The following GMDS variants were observed in gnomAD, a reference collection of about 807,000 sequenced individuals.
The protein encoded by GMDS is GDP-mannose 4,6-dehydratase.
GMDS carries 20 observed loss-of-function variants against 49.9 expected under a neutral mutation model. The ratio of observed to expected loss-of-function variants is 0.40; its 90% CI spans 0.28 to 0.58. The LOEUF is 0.58. GMDS is among the 20% of genes least tolerant of loss of function. The pLI is 0.42. For synonymous variants in GMDS, 177 were observed against 178.6 expected (o/e 0.99, Z 0.07); for missense variants, 362 against 481.4 (o/e 0.75, Z 2.32).
chr6:2,084,653 C>T (rs1156334651), intron 4 of GMDS, among the ~76,000 whole-genome samples: 1 of 152,044 alleles, frequency 6.6e-6, no homozygotes, highest in Non-Finnish European at 1.5e-5. Context: ...ACTACAGGCG[C>T]CCGCCACCAC....
intron 9 of GMDS, among the ~76,000 whole-genome samples, chr6:1,672,319 T>C (rs9501754): frequency 0.33 from 50,848 of 151,972 alleles, 8,887 homozygotes; most frequent in Middle Eastern, 0.47. Context: ...GGGAAGGTCA[T>C]AGAGAAAAGT....
chr6:2,223,890 G>C (rs1780705687), intron 1 of GMDS, among the ~76,000 whole-genome samples: 1 of 152,198 alleles, frequency 6.6e-6, no homozygotes, highest in Non-Finnish European at 1.5e-5. Context: ...GACTGCAGTT[G>C]TAGACATAGA....
At chr6:1,930,014 C>G in intron 7 of GMDS, 89 bp downstream of exon 7, 1 of 1,210,962 alleles carries the variant, frequency 8.3e-7, no homozygotes, top group Non-Finnish European at 1.2e-6. Context: ...ATGCCCCCAC[C>G]TCTAGGTCAC....
chr6:2,171,807 A>G (rs1450674892), intron 1 of GMDS, among the ~76,000 whole-genome samples: 5 of 150,584 alleles, frequency 3.3e-5, no homozygotes, highest in Admixed American at 1.3e-4. Flanking sequence ...AAGAGCCACA[A>G]TGAAAGAAAG....
intron 4 of GMDS, among the ~76,000 whole-genome samples, chr6:1,999,959 T>TTATATATATTATATATATATA (rs1766591126): frequency 8.0e-5 from 1 of 12,530 alleles, no homozygotes; most frequent in South Asian, 2.5e-3. Context: ...AATATGTATA[T>TTATATATATTATATATATATA]TATATATATA....
chr6:1,720,229 G>GT (rs67079006), intron 9 of GMDS, among the ~76,000 whole-genome samples: 91 of 136,698 alleles, frequency 6.7e-4, no homozygotes, highest in Admixed American at 5.0e-3. Context: ...ATGCTCTTGA[G>GT]GGGGGAGAGC....
chr6:1,751,930 A>G (rs1767749740), intron 7 of GMDS, among the ~76,000 whole-genome samples: 1 of 152,210 alleles, frequency 6.6e-6, no homozygotes, highest in Admixed American at 6.5e-5. Context: ...ATGAGGAAAA[A>G]CTAGTGCAAA....
intron 8 of GMDS, among the ~76,000 whole-genome samples, chr6:1,733,512 G>T (rs6906968): frequency 0.43 from 64,728 of 152,070 alleles, 14,478 homozygotes; most frequent in East Asian, 0.56. Flanking sequence ...AAAGACGAGA[G>T]GGAGCCTCAA....
At chr6:1,765,105 A>G (rs1369098459) in intron 7 of GMDS, among the ~76,000 whole-genome samples, 1 of 152,190 alleles carries the variant, frequency 6.6e-6, no homozygotes, top group East Asian at 1.9e-4. Flanking sequence ...GAAGATTTAA[A>G]CAATTTAAAT....
intron 7 of GMDS, among the ~76,000 whole-genome samples, chr6:1,921,470 C>A (rs527342543): frequency 6.6e-6 from 1 of 152,108 alleles, no homozygotes; most frequent in Non-Finnish European, 1.5e-5. Flanking sequence ...ATAAAACAGG[C>A]AATTGATTTT....
chr6:2,074,661 T>TA (rs1172744741), intron 4 of GMDS, among the ~76,000 whole-genome samples: 1 of 152,168 alleles, frequency 6.6e-6, no homozygotes, highest in East Asian at 1.9e-4. Context: ...TTAAGTCTTT[T>TA]AAAAAATTAA....
At chr6:2,205,132 A>C (rs368405681) in intron 1 of GMDS, among the ~76,000 whole-genome samples, 1 of 152,216 alleles carries the variant, frequency 6.6e-6, no homozygotes, top group Non-Finnish European at 1.5e-5. Flanking sequence ...CAGCAATCCC[A>C]AAGGTGGATG....
chr6:1,821,611 G>GTTTGTTTTTTTTT (rs1770899536), intron 7 of GMDS, among the ~76,000 whole-genome samples: 1 of 109,854 alleles, frequency 9.1e-6, no homozygotes, highest in African/African-American at 3.4e-5. Flanking sequence ...CAATTTATTT[G>GTTTGTTTTTTTTT]TTTTTTTTTT....
intron 1 of GMDS, among the ~76,000 whole-genome samples, chr6:2,159,156 T>C (rs1403823664): frequency 6.6e-6 from 1 of 152,196 alleles, no homozygotes; most frequent in Non-Finnish European, 1.5e-5. Context: ...ATATTAAATT[T>C]AGGCCAAAAA....
At chr6:1,651,221 C>G (rs894790289) in intron 9 of GMDS, among the ~76,000 whole-genome samples, 2 of 152,208 alleles carry the variant, frequency 1.3e-5, no homozygotes, top group Non-Finnish European at 2.9e-5. Context: ...GCATGCACCC[C>G]TTCTCACTGG....
chr6:2,070,946 T>C (rs139507230), intron 4 of GMDS, among the ~76,000 whole-genome samples: 1 of 152,314 alleles, frequency 6.6e-6, no homozygotes, highest in Non-Finnish European at 1.5e-5. Flanking sequence ...ACACCACATT[T>C]ACTCTTAGTG....
In GMDS at chr6:2,048,217, A is replaced by T. The variant is rs539279978; in HGVS notation, c.345+67554T>A. 5.3e-5 allele frequency among the ~76,000 whole-genome samples: 8 copies of T among 152,328 alleles called. No homozygotes were observed. In the South Asian group the frequency reaches 1.7e-3, roughly 32 times the overall value. ...TTCCCTACCTTAAGGTTATGAAAATATTCTACTCTATCATGTTTTAGAAGG... is the reference window on the plus strand; with the variant it reads ...TTCCCTACCTTAAGGTTATGAAAATTTTCTACTCTATCATGTTTTAGAAGG... On this transcript the variant is annotated intron_variant, in intron 4 of 10. Coordinates refer to ENST00000380815, the MANE Select transcript of GMDS (RefSeq NM_001500.4).
chr6:2,094,087 C>T (rs1376097608), intron 4 of GMDS, among the ~76,000 whole-genome samples: 1 of 152,206 alleles, frequency 6.6e-6, no homozygotes, highest in Non-Finnish European at 1.5e-5. Flanking sequence ...TAAATGACCA[C>T]TCCCAAGGGA....
intron 1 of GMDS, among the ~76,000 whole-genome samples, chr6:2,195,760 T>C (rs1779250613): frequency 6.6e-6 from 1 of 150,884 alleles, no homozygotes; most frequent in Admixed American, 6.6e-5. Context: ...ACCAGAAGGC[T>C]GGCTTGATAC....
Sources: allele counts gnomAD v4.1 joint callset (sites outside exome capture counted in the v4.1 genomes callset), GRCh38; gene constraint gnomAD v4.1.1; transcripts MANE v1.5; gene names NCBI Gene and HGNC (gene_info 2026-07-23, HGNC 2026-07-21).